Variants in CYSLTR1 observed in about 807,000 individuals in gnomAD.
CYSLTR1 encodes the protein G-protein coupled receptor HG55.
Under a neutral mutation model 2.1 loss-of-function variants are expected in CYSLTR1, and 1 was observed. The ratio of observed to expected loss-of-function variants is 0.48; its 90% CI spans 0.17 to 2.28. The LOEUF (loss-of-function observed/expected upper bound fraction) is 2.28, where lower values mean the gene tolerates loss of function less well. Ranked by LOEUF, CYSLTR1 falls within the 30% of genes most tolerant of loss-of-function variation. The pLI is 0.26. For missense variants in CYSLTR1, 299 were observed against 250.1 expected, an observed-to-expected ratio of 1.20 and a Z score of -1.32; for synonymous variants, 110 against 89.6, an observed-to-expected ratio of 1.23 and a Z score of -1.28.
intron 2 of CYSLTR1, among the ~76,000 whole-genome samples, chrX:78,274,172 T>A (rs1403788988): frequency 8.9e-6 from 1 of 111,778 alleles, no homozygotes; most frequent in African/African-American, 3.2e-5. Context: ...TATTTATACC[T>A]ATTTATTGGA....
At chrX:78,291,214 T>A (rs1195814237) in intron 1 of CYSLTR1, among the ~76,000 whole-genome samples, 2 of 111,513 alleles carry the variant, frequency 1.8e-5, no homozygotes, top group African/African-American at 6.5e-5. Context: ...ATTGAGAAAA[T>A]CATATGGTTT....
At chrX:78,303,865 T>C (rs1922925919) in intron 1 of CYSLTR1, among the ~76,000 whole-genome samples, 1 of 111,905 alleles carries the variant, frequency 8.9e-6, no homozygotes, top group Non-Finnish European at 1.9e-5. Context: ...TGTTATACAA[T>C]AGGGCTTGAA....
chrX:78,291,493 G>C (rs1011410153), intron 1 of CYSLTR1, among the ~76,000 whole-genome samples: 4 of 111,344 alleles, frequency 3.6e-5, no homozygotes, highest in Non-Finnish European at 7.5e-5. Context: ...AGTTAGGGAG[G>C]ATTCCCTCTT....
chrX:78,295,199 A>G (rs1922522969), intron 1 of CYSLTR1, among the ~76,000 whole-genome samples: 1 of 111,788 alleles, frequency 8.9e-6, no homozygotes, highest in African/African-American at 3.2e-5. Flanking sequence ...TGCAAATGAC[A>G]GTATTAAAGT....
chrX:78,324,509 A>G (rs1923794060), intron 1 of CYSLTR1, among the ~76,000 whole-genome samples: 2 of 111,348 alleles, frequency 1.8e-5, no homozygotes, highest in Non-Finnish European at 3.8e-5. Context: ...CTGGGACTAC[A>G]GGCATGCCTC....
chrX:78,316,661 A>G (rs951558562), intron 1 of CYSLTR1, among the ~76,000 whole-genome samples: 5 of 111,966 alleles, frequency 4.5e-5, no homozygotes, highest in African/African-American at 1.6e-4. Flanking sequence ...GGAACAGAAT[A>G]GAGAACCCCA....
chrX:78,294,015 G>T (rs1394635661), intron 1 of CYSLTR1, among the ~76,000 whole-genome samples: 2 of 112,305 alleles, frequency 1.8e-5, no homozygotes, highest in Non-Finnish European at 3.8e-5. Context: ...GTCCAACTTT[G>T]TTCCATTGCT....
Position 78,324,895 on chromosome X carries a change from G to GAC in CYSLTR1, c.-115+2408_-115+2409dup, listed in dbSNP as rs763006501. On this transcript the variant is annotated intron_variant, in intron 1 of 2. Transcript: ENST00000373304. ...AGTGACTTTAGGTCTTTCTATTTTA[G>GAC]ACACACACACACACACACACACAAC... Among the ~76,000 whole-genome samples the GAC allele has an allele frequency of 8.8e-3, 939 of 106,493 alleles. 7 individuals carry two copies. Among genetic ancestry groups the GAC allele is most frequent in the African/African-American group, 0.023 (659 of 29,207 alleles). The allele number at this position is 106,493 out of a possible 115,157, so 92.5% of individuals were successfully genotyped here. A position where few individuals can be genotyped will look rare whatever the true frequency, so the allele number is the denominator to read the frequency against.
At chrX:78,302,921 C>A (rs1057184631) in intron 1 of CYSLTR1, among the ~76,000 whole-genome samples, 1 of 111,520 alleles carries the variant, frequency 9.0e-6, no homozygotes. Flanking sequence ...GCCACCCCAG[C>A]TGTTGTCTCA....
chrX:78,308,399 C>A (rs1414813311), intron 1 of CYSLTR1, among the ~76,000 whole-genome samples: 1 of 111,601 alleles, frequency 9.0e-6, no homozygotes, highest in Non-Finnish European at 1.9e-5. Context: ...GCCTTAATTA[C>A]CCCAAACTAT....
At chrX:78,326,551 T>G (rs1236307904) in intron 1 of CYSLTR1, among the ~76,000 whole-genome samples, 3 of 112,166 alleles carry the variant, frequency 2.7e-5, no homozygotes, top group African/African-American at 9.7e-5. Flanking sequence ...CAGCCTTTTT[T>G]GTCGCTAAGT....
chrX:78,279,831 A>G (rs1040170902), intron 2 of CYSLTR1, among the ~76,000 whole-genome samples: 4 of 111,831 alleles, frequency 3.6e-5, no homozygotes, highest in Non-Finnish European at 5.6e-5. Context: ...TATCCTAAGA[A>G]AATTAATGCA....
chrX:78,288,490 T>G (rs1232177377), intron 1 of CYSLTR1, among the ~76,000 whole-genome samples: 2 of 111,880 alleles, frequency 1.8e-5, no homozygotes, highest in Non-Finnish European at 3.8e-5. Context: ...TGTCTGTACC[T>G]TTCTTGATAA....
chrX:78,322,126 A>G (rs759407389), intron 1 of CYSLTR1, among the ~76,000 whole-genome samples: 2 of 111,270 alleles, frequency 1.8e-5, no homozygotes, highest in East Asian at 5.7e-4. Flanking sequence ...GGTGCAGCTC[A>G]GTGGAGCCCT....
intron 2 of CYSLTR1, among the ~76,000 whole-genome samples, chrX:78,278,842 A>G (rs1921715661): frequency 8.9e-6 from 1 of 112,332 alleles, no homozygotes; most frequent in South Asian, 3.7e-4. Context: ...AGTCAACAGT[A>G]ACAAGCCATG....
chrX:78,277,286 G>A (rs1316465578), intron 2 of CYSLTR1, among the ~76,000 whole-genome samples: 1 of 111,261 alleles, frequency 9.0e-6, no homozygotes, highest in Non-Finnish European at 1.9e-5. Context: ...GTCCCTGCCT[G>A]GCCACACCTG....
At chrX:78,288,017 A>G (rs1040349650) in intron 1 of CYSLTR1, among the ~76,000 whole-genome samples, 6 of 109,335 alleles carry the variant, frequency 5.5e-5, no homozygotes, top group Admixed American at 9.9e-5. Flanking sequence ...GTTCTCTCAG[A>G]AAAAAACAAA....
intron 1 of CYSLTR1, among the ~76,000 whole-genome samples, chrX:78,302,695 G>T (rs1174324957): frequency 3.6e-5 from 4 of 110,919 alleles, no homozygotes; most frequent in Admixed American, 9.6e-5. Flanking sequence ...CTGGCCCAGG[G>T]TGTATCTAGA....
intron 1 of CYSLTR1, among the ~76,000 whole-genome samples, chrX:78,305,799 A>C (rs1238209069): frequency 1.8e-5 from 2 of 113,072 alleles, no homozygotes; most frequent in African/African-American, 6.4e-5. Flanking sequence ...ATGCAGTTGC[A>C]TATTACAGAA....
Sources: gnomAD v4.1 joint callset for allele counts (sites outside exome capture counted in the v4.1 genomes callset) on GRCh38, gnomAD v4.1.1 for gene constraint, MANE v1.5 for transcripts, NCBI Gene and HGNC (gene_info 2026-07-23, HGNC 2026-07-21) for gene names.